Variants in RIN2 observed in about 807,000 individuals in gnomAD.
RIN2 encodes RAB5 interacting protein 2.
Under a neutral mutation model 78.0 loss-of-function variants are expected in RIN2, and 36 were observed. The observed-to-expected ratio is 0.46, with a 90% CI of 0.35 to 0.61. The LOEUF is 0.61. Among genes scored for constraint, RIN2 ranks in the 20% least tolerant of loss-of-function variants. The pLI is 0.00. For missense variants in RIN2, 1,087 were observed against 1,159.7 expected, an observed-to-expected ratio of 0.94 and a Z score of 0.91; for synonymous variants, 466 against 466.8, an observed-to-expected ratio of 1.00 and a Z score of 0.02.
intron 1 of RIN2, among the ~76,000 whole-genome samples, chr20:19,798,636 G>A (rs1288928814): frequency 3.9e-5 from 6 of 152,010 alleles, no homozygotes; most frequent in South Asian, 2.1e-4. Context: ...GTGTGTGCAC[G>A]TGTGTGCATG....
chr20:19,982,593 T>C (rs2042493130), intron 9 of RIN2, among the ~76,000 whole-genome samples: 1 of 152,158 alleles, frequency 6.6e-6, no homozygotes. Flanking sequence ...TCCCGACTTG[T>C]GGGTGCTTGG....
intron 2 of RIN2, among the ~76,000 whole-genome samples, chr20:19,865,552 A>G (rs981172889): frequency 6.7e-6 from 1 of 149,374 alleles, no homozygotes; most frequent in Non-Finnish European, 1.5e-5. Flanking sequence ...CAGTGCTGCA[A>G]TCATGGCTCA....
In RIN2 at chr20:19,859,087, T is replaced by C. The variant is rs150821000; in HGVS notation, c.-36-30479T>C. On this transcript the variant is annotated intron_variant, in intron 2 of 12. Coordinates refer to ENST00000255006, the MANE Select transcript of RIN2 (RefSeq NM_018993.4). ...AACAGCTCTACAGGGAGAAAATACT[T>C]CCATGCCAGGCCCTTCCAGGGGGTC... is the stretch of plus-strand genomic sequence containing the variant. 1.8e-3 allele frequency among the ~76,000 whole-genome samples: 270 copies of C among 152,304 alleles called. 1 individual carries two copies. Among genetic ancestry groups the C allele is most frequent in the African/African-American group, 6.2e-3 (258 of 41,570 alleles).
At chr20:19,882,183 G>A (rs918997444) in intron 2 of RIN2, among the ~76,000 whole-genome samples, 1 of 152,198 alleles carries the variant, frequency 6.6e-6, no homozygotes, top group Non-Finnish European at 1.5e-5. Flanking sequence ...AGTGACGGAA[G>A]CATCAGTCTT....
intron 1 of RIN2, among the ~76,000 whole-genome samples, chr20:19,772,513 C>G (rs978875701): frequency 6.6e-6 from 1 of 152,150 alleles, no homozygotes; most frequent in East Asian, 1.9e-4. Context: ...TGTGACTGAA[C>G]AGTTTGGGTG....
chr20:19,945,448 G>A (rs2041052732), intron 4 of RIN2, among the ~76,000 whole-genome samples: 1 of 152,168 alleles, frequency 6.6e-6, no homozygotes, highest in South Asian at 2.1e-4. Context: ...CACTGCACCT[G>A]CCTTTATCCA....
At chr20:19,894,673 C>T (rs1372496377) in intron 3 of RIN2, among the ~76,000 whole-genome samples, 1 of 152,158 alleles carries the variant, frequency 6.6e-6, no homozygotes, top group Admixed American at 6.5e-5. Context: ...TATTAGTGCT[C>T]ATGTGACTTT....
At chr20:19,840,749 G>C (rs1257310738) in intron 2 of RIN2, among the ~76,000 whole-genome samples, 3 of 152,174 alleles carry the variant, frequency 2.0e-5, no homozygotes, top group Admixed American at 6.5e-5. Context: ...GGGACCCGTA[G>C]AGCATTTTTC....
At chr20:19,939,405 C>G (rs2146144192) in intron 4 of RIN2, among the ~76,000 whole-genome samples, 1 of 152,318 alleles carries the variant, frequency 6.6e-6, no homozygotes, top group Non-Finnish European at 1.5e-5. Context: ...CTGCAGTAGC[C>G]CCTGCCTGGT....
chr20:19,764,344 G>GTGCTAGTCAGAT (rs6147318), intron 1 of RIN2, among the ~76,000 whole-genome samples: 87,048 of 151,498 alleles, frequency 0.57, 26,377 homozygotes, highest in East Asian at 0.71. Context: ...GAGGGCAGCT[G>GTGCTAGTCAGAT]TGCATGGAAA....
At chr20:19,818,145 G>C (rs1393403071) in intron 2 of RIN2, among the ~76,000 whole-genome samples, 1 of 152,064 alleles carries the variant, frequency 6.6e-6, no homozygotes, top group African/African-American at 2.4e-5. Context: ...ATAAAAATAA[G>C]TACTAAACAT....
At position 20,000,651 on chromosome 20, in the gene RIN2, T is replaced by C; in HGVS notation, c.2403T>C (p.Gly801=). The change falls in exon 13 of 13, where the codon GGT becomes GGC. Residue 801 remains glycine, a synonymous_variant. Transcript: ENST00000255006. ...LRVAFQEVNS[G]CTGKTLLVRP... is the part of the protein sequence containing the mutation. ...TTGCATTTCAGGAGGTCAACAGTGG[T>C]TGCACAGGAAAGACCCTCCTTGTGA... is the stretch of plus-strand genomic sequence containing the variant. The C allele has an allele frequency of 2.5e-6, 4 of 1,607,732 alleles. No individual in the cohort carries two copies. The highest frequency in any genetic ancestry group is 3.4e-6 in the Non-Finnish European group (4 of 1,174,784).
chr20:19,975,752 C>T lies in RIN2; in HGVS notation c.1727C>T (p.Pro576Leu). 6.2e-7 allele frequency: 1 copy of T among 1,612,322 alleles called. No individual in the cohort carries two copies. Among genetic ancestry groups the T allele is most frequent in the East Asian group, 2.2e-5 (1 of 44,842 alleles). Residue 576 changes from proline to leucine, a missense_variant, in exon 9 of 13, where the codon CCC becomes CTC. This residue lies in a region of RIN2 where 39 missense variants were observed against 34.9 expected (regional missense o/e 1.12). Coordinates refer to ENST00000255006, the MANE Select transcript of RIN2 (RefSeq NM_018993.4). The surrounding 1 kb of genome is among the most constrained non-coding windows in gnomAD (Gnocchi z 4.9). ...NYLSQSSELD[P>L]PIESLIPEDQ... ...TTGTCTCAGAGCTCGGAGCTGGACC[C>T]CCCCATCGAGTCGCTGATCCCTGAA...
chr20:19,853,712 C>T (rs1196966667), intron 2 of RIN2, among the ~76,000 whole-genome samples: 2 of 152,128 alleles, frequency 1.3e-5, no homozygotes, highest in Non-Finnish European at 2.9e-5. Context: ...TATCCTTTGC[C>T]CACTTTGTGA....
chr20:19,893,597 A>C (rs951281645), intron 3 of RIN2, among the ~76,000 whole-genome samples: 1 of 152,262 alleles, frequency 6.6e-6, no homozygotes, highest in East Asian at 1.9e-4. Context: ...GTGCGTGGAT[A>C]ACACACAGAT....
In RIN2 at chr20:19,997,351, T is replaced by G. The variant is rs1568727939; in HGVS notation, c.2364+509T>G. On this transcript the variant is annotated intron_variant, in intron 12 of 12. Transcript: ENST00000255006. The stretch of plus-strand genomic sequence containing the variant: ...GTGACCAGGCGAGCATCTGAGCGAG[T>G]CCTGCTCAGGTTCCCTGGCCAGGGC... Among the ~76,000 whole-genome samples the G allele has an allele frequency of 2.0e-5, 3 of 152,268 alleles. No individual in the cohort carries two copies. The South Asian group carries it at 6.2e-4, about 32-fold the overall frequency.
chr20:19,995,839 G>A (rs2042944977), intron 11 of RIN2, among the ~76,000 whole-genome samples: 1 of 151,864 alleles, frequency 6.6e-6, no homozygotes, highest in African/African-American at 2.4e-5. Flanking sequence ...CCAAATTCTT[G>A]TTTATCAGAG....
chr20:19,805,103 G>A (rs969623387), intron 2 of RIN2, among the ~76,000 whole-genome samples: 3 of 152,174 alleles, frequency 2.0e-5, no homozygotes, highest in Admixed American at 6.5e-5. Context: ...GTGTCATGGC[G>A]TCTGGCACAT....
chr20:19,884,916 C>T (rs962767394), intron 2 of RIN2, among the ~76,000 whole-genome samples: 3 of 152,152 alleles, frequency 2.0e-5, no homozygotes, highest in Middle Eastern at 3.2e-3. Context: ...CTGACAGGTC[C>T]TCTAGGGTGA....
Sources: gnomAD v4.1 joint callset for allele counts (sites outside exome capture counted in the v4.1 genomes callset) on GRCh38, gnomAD v4.1.1 for gene constraint, gnomAD v4.1.1 regional missense constraint, Gnocchi (gnomAD v3.1) non-coding constraint, MANE v1.5 for transcripts, NCBI Gene and HGNC (gene_info 2026-07-23, HGNC 2026-07-21) for gene names.